The following MACROD2 variants were observed in gnomAD, a reference collection of about 807,000 sequenced individuals.
MACROD2 encodes mono-ADP ribosylhydrolase 2.
MACROD2 carries 36 observed loss-of-function variants against 70.4 expected under a neutral mutation model. The observed-to-expected ratio is 0.51, with a 90% CI of 0.39 to 0.68. MACROD2 has a LOEUF of 0.68. Ranked by LOEUF, MACROD2 falls within the 30% of genes least tolerant of loss-of-function variation. The pLI, the probability that MACROD2 is intolerant of heterozygous loss-of-function variation, is 0.00. For missense variants in MACROD2, 496 were observed against 538.4 expected (o/e 0.92, Z 0.78); for synonymous variants, 172 against 178.8 (o/e 0.96, Z 0.30).
chr20:15,252,526 A>C (rs748213804), intron 6 of MACROD2, among the ~76,000 whole-genome samples: 8 of 152,216 alleles, frequency 5.3e-5, no homozygotes, highest in Non-Finnish European at 8.8e-5. Context: ...TTAAAGCTAC[A>C]TATGGCTTAC....
intron 3 of MACROD2, among the ~76,000 whole-genome samples, chr20:14,199,549 A>G (rs1158254295): frequency 6.6e-6 from 1 of 151,958 alleles, no homozygotes; most frequent in Non-Finnish European, 1.5e-5. Flanking sequence ...CCTTACCAAA[A>G]TATTTTTGAT....
intron 2 of MACROD2, among the ~76,000 whole-genome samples, chr20:14,058,105 G>A (rs1264918659): frequency 6.6e-6 from 1 of 152,122 alleles, no homozygotes; most frequent in South Asian, 2.1e-4. Flanking sequence ...TATTAGTAGT[G>A]TTCCTTTTCT....
chr20:14,695,204 A>G (rs1356417406), intron 5 of MACROD2, among the ~76,000 whole-genome samples: 1 of 152,136 alleles, frequency 6.6e-6, no homozygotes, highest in Non-Finnish European at 1.5e-5. Flanking sequence ...CCCCATTCTG[A>G]AGGTTCCAGG....
chr20:15,523,142 G>A, intron 8 of MACROD2, among the ~76,000 whole-genome samples: 1 of 152,102 alleles, frequency 6.6e-6, no homozygotes, highest in Admixed American at 6.6e-5. Context: ...GAAGCCTTAA[G>A]CACCCTTTAA....
intron 4 of MACROD2, among the ~76,000 whole-genome samples, chr20:14,615,543 C>T (rs1015202317): frequency 6.6e-6 from 1 of 152,020 alleles, no homozygotes; most frequent in Non-Finnish European, 1.5e-5. Context: ...AAATGAGGTG[C>T]AAGGTGTTCC....
At chr20:15,531,314 T>A in intron 8 of MACROD2, among the ~76,000 whole-genome samples, 1 of 146,964 alleles carries the variant, frequency 6.8e-6, no homozygotes, top group African/African-American at 2.5e-5. Context: ...TTTAATAACA[T>A]AAACAAAAAT....
At chr20:14,545,705 C>T (rs1362404148) in intron 4 of MACROD2, among the ~76,000 whole-genome samples, 1 of 152,136 alleles carries the variant, frequency 6.6e-6, no homozygotes, top group Non-Finnish European at 1.5e-5. Context: ...AAATTGCAAT[C>T]AGTGTTGGGA....
chr20:14,645,512 G>A (rs1040634953), intron 4 of MACROD2, among the ~76,000 whole-genome samples: 2 of 151,998 alleles, frequency 1.3e-5, no homozygotes, highest in African/African-American at 4.8e-5. Context: ...TTTGATTGTG[G>A]TGTGCTTAAT....
intron 6 of MACROD2, among the ~76,000 whole-genome samples, chr20:15,428,560 A>G (rs1358688619): frequency 6.6e-6 from 1 of 152,186 alleles, no homozygotes; most frequent in Admixed American, 6.6e-5. Context: ...AATCTGTCCA[A>G]ACACACCTTG....
chr20:15,217,197 A>G (rs1259351638), intron 5 of MACROD2, among the ~76,000 whole-genome samples: 1 of 152,190 alleles, frequency 6.6e-6, no homozygotes, highest in Non-Finnish European at 1.5e-5. Context: ...TTGAGAGTAT[A>G]ATGATGAAAT....
intron 5 of MACROD2, among the ~76,000 whole-genome samples, chr20:15,176,328 C>A (rs1006374001): frequency 6.6e-6 from 1 of 152,168 alleles, no homozygotes; most frequent in African/African-American, 2.4e-5. Context: ...CACCTTCAAG[C>A]CTGAAGCCTG....
intron 3 of MACROD2, among the ~76,000 whole-genome samples, chr20:14,474,072 C>T (rs955416285): frequency 6.6e-6 from 1 of 151,502 alleles, no homozygotes; most frequent in Admixed American, 6.6e-5. Flanking sequence ...GATATTAACC[C>T]CTTGTTAGAT....
chr20:15,437,428 A>G lies in MACROD2; in HGVS notation c.571+5993A>G, dbSNP rs190491530. 1.5e-3 allele frequency among the ~76,000 whole-genome samples: 233 copies of G among 152,248 alleles called. 1 individual carries two copies. The highest frequency in any genetic ancestry group is 5.5e-3 in the African/African-American group (228 of 41,570). On this transcript the variant is annotated intron_variant, in intron 7 of 17. Transcript: ENST00000684519. ...CACACACACCAAATTCGCACATACC[A>G]TCACCACCAGTGTTGTCTATCTCAT...
At chr20:15,198,663 A>G (rs887694815) in intron 5 of MACROD2, among the ~76,000 whole-genome samples, 2 of 152,142 alleles carry the variant, frequency 1.3e-5, no homozygotes, top group Non-Finnish European at 2.9e-5. Context: ...ACTATAATTC[A>G]TTTCACTGCT....
chr20:14,703,070 G>C (rs918227127), intron 5 of MACROD2, among the ~76,000 whole-genome samples: 1 of 151,956 alleles, frequency 6.6e-6, no homozygotes, highest in African/African-American at 2.4e-5. Flanking sequence ...GATCTATCTA[G>C]CTATAATTCA....
intron 6 of MACROD2, among the ~76,000 whole-genome samples, chr20:15,328,705 T>C (rs2077958967): frequency 6.6e-6 from 1 of 152,150 alleles, no homozygotes; most frequent in Non-Finnish European, 1.5e-5. Context: ...CACCACATTA[T>C]ATGCAATTGA....
chr20:14,108,587 A>T (rs1445836228), intron 3 of MACROD2, among the ~76,000 whole-genome samples: 1 of 152,090 alleles, frequency 6.6e-6, no homozygotes, highest in Non-Finnish European at 1.5e-5. Context: ...TTCCATGTCA[A>T]TGGAAAGCAA....
At chr20:15,873,139 A>G (rs923186042) in intron 9 of MACROD2, among the ~76,000 whole-genome samples, 2 of 152,206 alleles carry the variant, frequency 1.3e-5, no homozygotes, top group African/African-American at 4.8e-5. Flanking sequence ...TTCAAAATAT[A>G]TGCAAAACCA....
intron 3 of MACROD2, among the ~76,000 whole-genome samples, chr20:14,254,016 A>G (rs2082032694): frequency 6.6e-6 from 1 of 152,018 alleles, no homozygotes; most frequent in Non-Finnish European, 1.5e-5. Flanking sequence ...ATAATTTAAA[A>G]CAAAATTAAT....
Sources: gnomAD v4.1 joint callset for allele counts (sites outside exome capture counted in the v4.1 genomes callset) on GRCh38, gnomAD v4.1.1 for gene constraint, MANE v1.5 for transcripts, NCBI Gene and HGNC (gene_info 2026-07-23, HGNC 2026-07-21) for gene names.